The following SPIB variants were observed in gnomAD, a reference collection of about 807,000 sequenced individuals.
The protein encoded by SPIB is Spi-B transcription factor.
SPIB carries 7 observed loss-of-function variants against 31.9 expected under a neutral mutation model. The observed-to-expected ratio is 0.22, with a 90% CI of 0.12 to 0.41. SPIB has a LOEUF of 0.41. Ranked by LOEUF, SPIB falls within the 10% of genes least tolerant of loss-of-function variation. The pLI is 1.00. For synonymous variants in SPIB, 176 were observed against 158.9 expected (o/e 1.11, Z -0.81); for missense variants, 327 against 360.2 (o/e 0.91, Z 0.75).
Position 50,423,007 on chromosome 19 carries a change from T to G in SPIB, c.309T>G (p.Pro103=). ...TGGAGGCCCCGGGGCCTGGCCTCCC[T>G]GCATACCCCACGGAGAACTTCGCTA... The part of the protein sequence containing the change: ...PSLEAPGPGL[P]AYPTENFASQ... Residue 103 remains proline, a synonymous_variant, in exon 4 of 6, where the codon CCT becomes CCG. Transcript: ENST00000595883. The G allele has an allele frequency of 2.0e-6, 3 of 1,528,604 alleles. No homozygotes were observed. Among genetic ancestry groups the G allele is most frequent in the Non-Finnish European group, 2.6e-6 (3 of 1,132,388 alleles). 94.7% of individuals were successfully genotyped at this position (1,528,604 alleles called of 1,614,324 possible). A position where few individuals can be genotyped will look rare whatever the true frequency, so the allele number is the denominator to read the frequency against.
At position 50,422,857 on chromosome 19, in the gene SPIB, C is replaced by T. The variant is rs2039514137; in HGVS notation, c.159C>T (p.Val53=). The change falls in exon 4 of 6, where the codon GTC becomes GTT. Residue 53 remains valine, a synonymous_variant. Coordinates refer to ENST00000595883, the MANE Select transcript of SPIB (RefSeq NM_003121.5). ...SLWDWTVAPP[V]PATPYEAFDP... ...GGGACTGGACTGTGGCCCCACCTGT[C>T]CCAGCCACCCCCTATGAAGCCTTCG... 6.2e-7 allele frequency: 1 copy of T among 1,602,542 alleles called. No individual in the cohort carries two copies. Among genetic ancestry groups the T allele is most frequent in the Non-Finnish European group, 8.5e-7 (1 of 1,174,210 alleles).
At chr19:50,424,583 C>A (rs2039542388) in intron 5 of SPIB, among the ~76,000 whole-genome samples, 1 of 152,102 alleles carries the variant, frequency 6.6e-6, no homozygotes, top group Admixed American at 6.6e-5. Context: ...GAGATCGAGA[C>A]CATCCTGGCC....
chr19:50,423,708 C>T lies in SPIB; in HGVS notation c.443C>T (p.Ser148Leu), dbSNP rs758156441. The change falls in exon 5 of 6, where the codon TCG becomes TTG. Residue 148 changes from serine to leucine, a missense_variant. Ser to Leu is a moderately radical substitution (Grantham distance 145). This residue lies in a region of SPIB where 238 missense variants were observed against 228.8 expected (regional missense o/e 1.04). Coordinates refer to ENST00000595883, the MANE Select transcript of SPIB (RefSeq NM_003121.5). Reference sequence around the variant, plus strand: ...GCCCTGGAGGTCTCGGACAGCGAGTCGGATGAGGCCCTCGTGGCTGGCCCC... The same window carrying T: ...GCCCTGGAGGTCTCGGACAGCGAGTTGGATGAGGCCCTCGTGGCTGGCCCC... ...SPALEVSDSESDEALVAGPEG... is the reference protein window; with the variant it reads ...SPALEVSDSELDEALVAGPEG... 6.2e-6 allele frequency: 10 copies of T among 1,613,208 alleles called. No homozygotes were observed. The highest frequency in any genetic ancestry group is 5.5e-5 in the South Asian group (5 of 90,920).
chr19:50,423,316 G>A (rs1473170175), intron 4 of SPIB: 2 of 506,518 alleles, frequency 3.9e-6, no homozygotes, highest in Non-Finnish European at 3.5e-6. Context: ...GCCCTGCAGC[G>A]GCCTCCCAGG....
In SPIB at chr19:50,428,111, G is replaced by A. The variant is rs1601270945; in HGVS notation, c.564G>A (p.Val188=). Residue 188 remains valine, a synonymous_variant, in exon 6 of 6, where the codon GTG becomes GTA. Coordinates refer to ENST00000595883, the MANE Select transcript of SPIB (RefSeq NM_003121.5). The surrounding 1 kb of genome is among the most constrained non-coding windows in gnomAD (Gnocchi z 6.5). ...CGCGCGGGGACATGCGTGAGTGCGTGTGGTGGGTGGAGCCAGGCGCCGGCG... is the reference window on the plus strand; with the variant it reads ...CGCGCGGGGACATGCGTGAGTGCGTATGGTGGGTGGAGCCAGGCGCCGGCG... ...LLTRGDMREC[V]WWVEPGAGVF... is the part of the protein sequence containing the mutation. The A allele has an allele frequency of 1.9e-6, 3 of 1,584,604 alleles. No homozygotes were observed. The East Asian group carries it at 6.8e-5, about 36-fold the overall frequency.
intron 3 of SPIB, 128 bp from the exon 4 acceptor site, chr19:50,422,695 G>T: frequency 9.5e-7 from 1 of 1,053,980 alleles, no homozygotes; most frequent in Non-Finnish European, 1.4e-6. Context: ...CTACCCATCC[G>T]CTCCTCCATG....
rs780114688 is a variant in SPIB, at chr19:50,422,867, C to T, written c.169C>T (p.Pro57Ser). 1.2e-6 allele frequency: 2 copies of T among 1,609,008 alleles called. No individual in the cohort carries two copies. Among genetic ancestry groups the T allele is most frequent in the Non-Finnish European group, 1.7e-6 (2 of 1,177,566 alleles). ...TGTGGCCCCACCTGTCCCAGCCACC[C>T]CCTATGAAGCCTTCGACCCGGCAGC... ...WTVAPPVPAT[P>S]YEAFDPAAAA... Residue 57 changes from proline (P) to serine (S), a missense_variant, in exon 4 of 6, where the codon CCC becomes TCC. This residue lies in a region of SPIB where 238 missense variants were observed against 228.8 expected (regional missense o/e 1.04). Transcript: ENST00000595883.
At chr19:50,419,805 C>G (rs1007180315) in intron 1 of SPIB, 141 bp from the exon 2 acceptor site, 1 of 769,610 alleles carries the variant, frequency 1.3e-6, no homozygotes, top group South Asian at 2.3e-5. Flanking sequence ...TGGGGGAGTC[C>G]GGTGAATGTG....
chr19:50,420,265 T>G (rs1283811179), intron 2 of SPIB, among the ~76,000 whole-genome samples: 1 of 152,192 alleles, frequency 6.6e-6, no homozygotes, highest in Non-Finnish European at 1.5e-5. Context: ...AAAAATTGTG[T>G]TCTCTAACAG....
In SPIB at chr19:50,418,942, A is replaced by T; in HGVS notation, c.-21A>T. The T allele has an allele frequency of 2.6e-6, 4 of 1,552,668 alleles. No homozygotes were observed. Among genetic ancestry groups the T allele is most frequent in the Non-Finnish European group, 3.5e-6 (4 of 1,148,540 alleles). ...GGGTTGGCGGCTGCAGCGGGCGGCA[A>T]ACAGCCCGCCCGGCACCACCATGCT... is the stretch of plus-strand genomic sequence containing the variant. On this transcript the variant is annotated 5_prime_UTR_variant, in exon 1 of 6. Coordinates refer to ENST00000595883, the MANE Select transcript of SPIB (RefSeq NM_003121.5). The surrounding 1 kb of genome is among the most constrained non-coding windows in gnomAD (Gnocchi z 6.0).
intron 2 of SPIB, 151 bp downstream of exon 2, chr19:50,420,124 C>A: frequency 3.2e-6 from 2 of 625,488 alleles, no homozygotes; most frequent in South Asian, 3.4e-5. Context: ...ACCCCGCATC[C>A]GTATTTTTGA....
At position 50,429,010 on chromosome 19, in the gene SPIB, G is replaced by A. The variant is rs1180517529; in HGVS notation, c.*674G>A. 1.3e-5 allele frequency: 2 copies of A among 152,176 alleles called. No homozygotes were observed. Among genetic ancestry groups the A allele is most frequent in the Non-Finnish European group, 2.9e-5 (2 of 68,082 alleles). 9.4% of individuals were successfully genotyped at this position (152,176 alleles called of 1,614,324 possible). A position where few individuals can be genotyped will look rare whatever the true frequency, so the allele number is the denominator to read the frequency against. On this transcript the variant is annotated 3_prime_UTR_variant, in exon 6 of 6. Coordinates refer to ENST00000595883, the MANE Select transcript of SPIB (RefSeq NM_003121.5). ...CCTCCAAGATCCTTTTGTCATGTCT[G>A]AAATCACTCTTGAGAGGTCTGGGGT... is the stretch of plus-strand genomic sequence containing the variant.
intron 4 of SPIB, 65 bp from the exon 5 acceptor site, chr19:50,423,540 T>C: frequency 6.3e-7 from 1 of 1,579,012 alleles, no homozygotes; most frequent in Non-Finnish European, 8.6e-7. Flanking sequence ...CGCCTTGGCC[T>C]GAGAGGAGGA....
Position 50,428,780 on chromosome 19 carries a change from C to A in SPIB, c.*444C>A, listed in dbSNP as rs1363481433. Reference sequence around the variant, plus strand: ...GGGGGCCCTGCTGGCAACCCTGAGCCCTGTCCAAGGTTCCCTCTTGTCAGA... The same window carrying A: ...GGGGGCCCTGCTGGCAACCCTGAGCACTGTCCAAGGTTCCCTCTTGTCAGA... On this transcript the variant is annotated 3_prime_UTR_variant, in exon 6 of 6. Coordinates refer to ENST00000595883, the MANE Select transcript of SPIB (RefSeq NM_003121.5). The surrounding 1 kb of genome is among the most constrained non-coding windows in gnomAD (Gnocchi z 6.5). 5.8e-6 allele frequency: 1 copy of A among 170,984 alleles called. No homozygotes were observed. Among genetic ancestry groups the A allele is most frequent in the Non-Finnish European group, 1.2e-5 (1 of 81,228 alleles). The allele number at this position is 170,984 out of a possible 1,614,324, so 10.6% of individuals were successfully genotyped here.
In SPIB at chr19:50,427,958, G is replaced by T. The variant is rs2039589359; in HGVS notation, c.491-80G>T. 3 of 1,413,124 alleles carry T rather than the reference G, an allele frequency of 2.1e-6. No individual in the cohort carries two copies. In the South Asian group the frequency reaches 4.6e-5, roughly 22 times the overall value. 87.5% of individuals were successfully genotyped at this position (1,413,124 alleles called of 1,614,324 possible). On this transcript the variant is annotated intron_variant, in intron 5 of 5. Coordinates refer to ENST00000595883, the MANE Select transcript of SPIB (RefSeq NM_003121.5). Reference sequence around the variant, plus strand: ...GATCCAGGAGATGGAGGCCGGGGTGGAAGTCTCGGAGGAGGGTGGATGGGG... The same window carrying T: ...GATCCAGGAGATGGAGGCCGGGGTGTAAGTCTCGGAGGAGGGTGGATGGGG...
chr19:50,423,065 A>C, intron 4 of SPIB, 28 bp downstream of exon 4: 1 of 1,129,056 alleles, frequency 8.9e-7, no homozygotes, highest in Non-Finnish European at 1.3e-6. Context: ...AGTTAAAATC[A>C]AGCCCAAACC....
intron 5 of SPIB, among the ~76,000 whole-genome samples, 167 bp from the exon 6 acceptor site, chr19:50,427,871 C>CG (rs1354878316): frequency 6.7e-6 from 1 of 148,394 alleles, no homozygotes; most frequent in Admixed American, 6.6e-5. Flanking sequence ...CCCCCCCCCC[C>CG]CCGTGGTGAG....
At chr19:50,420,001 A>G (rs767360558) in intron 2 of SPIB, 28 bp downstream of exon 2, 45 of 1,446,416 alleles carry the variant, frequency 3.1e-5, no homozygotes, top group Non-Finnish European at 1.1e-5. Flanking sequence ...GGGGCCAGGG[A>G]GGGGTGGCCC....
rs1673030 is a variant in SPIB, at chr19:50,423,007, T to C, written c.309T>C (p.Pro103=). Residue 103 remains proline (P), a synonymous_variant, in exon 4 of 6, where the codon CCT becomes CCC. Transcript: ENST00000595883. ...PSLEAPGPGL[P]AYPTENFASQ... Reference sequence around the variant, plus strand: ...TGGAGGCCCCGGGGCCTGGCCTCCCTGCATACCCCACGGAGAACTTCGCTA... The same window carrying C: ...TGGAGGCCCCGGGGCCTGGCCTCCCCGCATACCCCACGGAGAACTTCGCTA... 0.88 allele frequency: 1,338,816 copies of C among 1,519,104 alleles called. 596,524 individuals carry two copies. The highest frequency in any genetic ancestry group is 0.91 in the Middle Eastern group (4,541 of 4,996). The allele number at this position is 1,519,104 out of a possible 1,614,324, so 94.1% of individuals were successfully genotyped here.
Sources: allele counts gnomAD v4.1 joint callset (sites outside exome capture counted in the v4.1 genomes callset), GRCh38; gene constraint gnomAD v4.1.1; regional missense constraint gnomAD v4.1.1; non-coding constraint Gnocchi (gnomAD v3.1); transcripts MANE v1.5; gene names NCBI Gene and HGNC (gene_info 2026-07-23, HGNC 2026-07-21).